The following SLIT3 variants were observed in gnomAD, a reference collection of about 807,000 sequenced individuals.
SLIT3 encodes slit guidance ligand 3.
A neutral mutation model predicts 184.0 loss-of-function variants in SLIT3; 68 were observed. The ratio of observed to expected loss-of-function variants is 0.37; its 90% CI spans 0.30 to 0.45. The LOEUF (loss-of-function observed/expected upper bound fraction) is 0.45, where lower values mean the gene tolerates loss of function less well. Among genes scored for constraint, SLIT3 ranks in the 20% least tolerant of loss-of-function variants. The pLI is 1.00. For synonymous variants in SLIT3, 831 were observed against 828.6 expected (o/e 1.00, Z -0.05); for missense variants, 1,707 against 2,026.0 (o/e 0.84, Z 3.02).
intron 4 of SLIT3, among the ~76,000 whole-genome samples, chr5:168,967,437 C>CCT (rs1763237303): frequency 3.1e-5 from 1 of 32,732 alleles, no homozygotes; most frequent in African/African-American, 1.1e-4. Flanking sequence ...CATCTCAAAT[C>CCT]TTTTTTTTTT....
intron 8 of SLIT3, among the ~76,000 whole-genome samples, chr5:168,816,709 G>A (rs73308298): frequency 0.011 from 1,707 of 152,282 alleles, 37 homozygotes; most frequent in African/African-American, 0.039. Context: ...TAATAATTAA[G>A]CTCCACTGAT....
At chr5:169,044,635 T>A (rs1002297227) in intron 4 of SLIT3, among the ~76,000 whole-genome samples, 21 of 151,778 alleles carry the variant, frequency 1.4e-4, no homozygotes, top group Admixed American at 7.9e-4. Flanking sequence ...GATTTCTCTT[T>A]GGGGTGATGG....
Position 169,006,578 on chromosome 5 carries a change from TTCTC to T in SLIT3, c.414-123246_414-123243del, listed in dbSNP as rs369079733. On this transcript the variant is annotated intron_variant, in intron 4 of 35. Transcript: ENST00000519560. The stretch of plus-strand genomic sequence containing the variant: ...AAGATTTTCTCTCTCTTTCCCCCTC[TTCTC>T]TCTCTCTCTCTCTCTCTCTCTCTCA... Among the ~76,000 whole-genome samples the T allele has an allele frequency of 4.6e-3, 648 of 140,154 alleles. 3 individuals carry two copies. The highest frequency in any genetic ancestry group is 0.013 in the African/African-American group (490 of 36,838). The allele number at this position is 140,154 out of a possible 152,430, so 91.9% of individuals were successfully genotyped here. A position where few individuals can be genotyped will look rare whatever the true frequency, so the allele number is the denominator to read the frequency against.
chr5:169,288,937 C>A (rs1205835697), intron 1 of SLIT3, among the ~76,000 whole-genome samples: 7 of 152,190 alleles, frequency 4.6e-5, no homozygotes, highest in African/African-American at 1.7e-4. Flanking sequence ...TAAAATATAC[C>A]CTGATCGTCT....
chr5:168,749,527 A>G lies in SLIT3; in HGVS notation c.2082T>C (p.Phe694=). 6.2e-7 allele frequency: 1 copy of G among 1,614,212 alleles called. No homozygotes were observed. Among genetic ancestry groups the G allele is most frequent in the Non-Finnish European group, 8.5e-7 (1 of 1,180,034 alleles). Residue 694 remains phenylalanine, a synonymous_variant, in exon 19 of 36, where the codon TTT becomes TTC. Coordinates refer to ENST00000519560, the MANE Select transcript of SLIT3 (RefSeq NM_003062.4). ...CCTGGATGGGAATCTCCTTGAGGAAAAATGGCTTCTGGCACCTAGGGTTCC... is the reference window on the plus strand; with the variant it reads ...CCTGGATGGGAATCTCCTTGAGGAAGAATGGCTTCTGGCACCTAGGGTTCC... ...VSGNPRCQKP[F]FLKEIPIQDV...
chr5:168,915,533 CA>C (rs1279547004), intron 4 of SLIT3, among the ~76,000 whole-genome samples: 5 of 152,184 alleles, frequency 3.3e-5, no homozygotes, highest in African/African-American at 9.7e-5. Context: ...TGTTATAAAA[CA>C]GCTTATATAT....
intron 4 of SLIT3, among the ~76,000 whole-genome samples, chr5:169,180,820 G>A (rs868464261): frequency 3.9e-5 from 6 of 152,186 alleles, no homozygotes; most frequent in South Asian, 2.1e-4. Flanking sequence ...ATTAGCAATG[G>A]AACCCCTAAC....
intron 4 of SLIT3, among the ~76,000 whole-genome samples, chr5:168,887,036 A>T (rs143616595): frequency 8.1e-6 from 1 of 123,470 alleles, no homozygotes; most frequent in Non-Finnish European, 1.9e-5. Context: ...TTATTGCTTC[A>T]TCTACCCTTG....
chr5:169,224,745 G>A (rs1400780757), intron 3 of SLIT3, among the ~76,000 whole-genome samples: 1 of 152,118 alleles, frequency 6.6e-6, no homozygotes, highest in Non-Finnish European at 1.5e-5. Context: ...GGAGTGCAGT[G>A]GTGCGATCTT....
At chr5:169,246,204 G>T (rs567905609) in intron 2 of SLIT3, among the ~76,000 whole-genome samples, 1 of 152,328 alleles carries the variant, frequency 6.6e-6, no homozygotes, top group Middle Eastern at 3.4e-3. Context: ...TTGACCAGAA[G>T]TAGAACTGGT....
chr5:168,669,252 C>G (rs10056503), intron 35 of SLIT3, among the ~76,000 whole-genome samples: 1 of 152,032 alleles, frequency 6.6e-6, no homozygotes, highest in African/African-American at 2.4e-5. Context: ...GTAGGTCATA[C>G]AAGACAAGTG....
chr5:168,903,521 G>A (rs1170958388), intron 4 of SLIT3, among the ~76,000 whole-genome samples: 1 of 152,216 alleles, frequency 6.6e-6, no homozygotes, highest in Non-Finnish European at 1.5e-5. Context: ...GTAAGCCAGG[G>A]CATGACCCCT....
chr5:169,105,352 A>C (rs1445310289), intron 4 of SLIT3, among the ~76,000 whole-genome samples: 1 of 152,208 alleles, frequency 6.6e-6, no homozygotes, highest in East Asian at 1.9e-4. Context: ...CAGATCGAGG[A>C]GGCTTTTCTT....
chr5:168,986,790 T>C (rs1755146604), intron 4 of SLIT3, among the ~76,000 whole-genome samples: 1 of 152,180 alleles, frequency 6.6e-6, no homozygotes, highest in Admixed American at 6.5e-5. Context: ...ATGGGGGTCA[T>C]AACAACAAAG....
At chr5:168,968,400 A>G (rs1581254418) in intron 4 of SLIT3, among the ~76,000 whole-genome samples, 1 of 152,184 alleles carries the variant, frequency 6.6e-6, no homozygotes, top group Non-Finnish European at 1.5e-5. Context: ...AGAGAGACGA[A>G]TCCCATCCCT....
intron 4 of SLIT3, among the ~76,000 whole-genome samples, chr5:169,049,578 TAGTC>T (rs1407316056): frequency 1.3e-5 from 2 of 152,194 alleles, no homozygotes; most frequent in African/African-American, 4.8e-5. Context: ...ATTTTTCAAA[TAGTC>T]AGGAACAGAA....
At chr5:169,225,865 G>A (rs920044174) in intron 3 of SLIT3, among the ~76,000 whole-genome samples, 1 of 152,226 alleles carries the variant, frequency 6.6e-6, no homozygotes, top group Non-Finnish European at 1.5e-5. Context: ...GGAAGCTGAG[G>A]AAGGGTGTTA....
chr5:168,757,656 C>T (rs549450408), intron 16 of SLIT3, among the ~76,000 whole-genome samples: 12 of 152,244 alleles, frequency 7.9e-5, no homozygotes, highest in South Asian at 2.1e-4. Context: ...AGGATGGTCT[C>T]GATCTCTTGA....
At chr5:169,117,092 CT>C (rs1158249268) in intron 4 of SLIT3, among the ~76,000 whole-genome samples, 1 of 152,200 alleles carries the variant, frequency 6.6e-6, no homozygotes, top group African/African-American at 2.4e-5. Context: ...CAAGTCTATC[CT>C]GTGAAGCGAC....
Sources: allele counts gnomAD v4.1 joint callset (sites outside exome capture counted in the v4.1 genomes callset), GRCh38; gene constraint gnomAD v4.1.1; transcripts MANE v1.5; gene names NCBI Gene and HGNC (gene_info 2026-07-23, HGNC 2026-07-21).